The following PDE4D variants were observed in gnomAD, a reference collection of about 807,000 sequenced individuals.
The protein encoded by PDE4D is 3',5'-cyclic-AMP phosphodiesterase 4D.
In PDE4D, 24 loss-of-function variants were observed where a neutral mutation model predicts 87.4. The ratio of observed to expected loss-of-function variants is 0.27; its 90% confidence interval spans 0.20 to 0.39. PDE4D has a LOEUF of 0.39. PDE4D is among the 10% of genes least tolerant of loss of function. The probability of loss-of-function intolerance (pLI) is 1.00; values close to 1 mark genes in which losing one functional copy is unlikely to be tolerated. For missense variants in PDE4D, 714 were observed against 1,041.0 expected (o/e 0.69, Z 4.32); for synonymous variants, 384 against 383.2 (o/e 1.00, Z -0.02).
intron 1 of PDE4D, among the ~76,000 whole-genome samples, chr5:59,470,830 T>C (rs1400773176): frequency 6.6e-6 from 1 of 152,186 alleles, no homozygotes; most frequent in Non-Finnish European, 1.5e-5. Flanking sequence ...ATAAAGAGAT[T>C]TGTTTTTTCC....
intron 1 of PDE4D, among the ~76,000 whole-genome samples, chr5:59,647,454 T>C (rs1742655657): frequency 1.0e-5 from 1 of 96,826 alleles, no homozygotes; most frequent in South Asian, 5.8e-4. Flanking sequence ...TAGGGATTTT[T>C]CAAAGTTTTT....
chr5:60,221,688 A>G (rs1023424924), intron 1 of PDE4D, among the ~76,000 whole-genome samples: 2 of 152,176 alleles, frequency 1.3e-5, no homozygotes, highest in Admixed American at 1.3e-4. Context: ...CTAGGATTGC[A>G]TACAAGTCGA....
At chr5:60,060,025 T>C (rs1032071425) in intron 2 of PDE4D, among the ~76,000 whole-genome samples, 2 of 151,878 alleles carry the variant, frequency 1.3e-5, no homozygotes, top group African/African-American at 4.8e-5. Flanking sequence ...AAAGCTTGCT[T>C]TGAAAAAAGA....
intron 5 of PDE4D, among the ~76,000 whole-genome samples, chr5:59,135,532 C>T (rs1363396702): frequency 6.6e-6 from 1 of 152,148 alleles, no homozygotes; most frequent in African/African-American, 2.4e-5. Flanking sequence ...GATTCTGGGC[C>T]TTTAAACACA....
intron 1 of PDE4D, among the ~76,000 whole-genome samples, chr5:60,501,769 T>TC (rs1750090155): frequency 6.6e-6 from 1 of 152,244 alleles, no homozygotes; most frequent in East Asian, 1.9e-4. Flanking sequence ...GAGCATTTTT[T>TC]CATGTGTTTT....
intron 1 of PDE4D, among the ~76,000 whole-genome samples, chr5:60,264,795 C>T (rs1267173142): frequency 6.6e-6 from 1 of 152,140 alleles, no homozygotes; most frequent in Non-Finnish European, 1.5e-5. Flanking sequence ...CCTGCTCACA[C>T]CCCTCATTCC....
intron 1 of PDE4D, among the ~76,000 whole-genome samples, chr5:59,230,683 AC>A (rs1379757539): frequency 2.0e-5 from 3 of 152,180 alleles, no homozygotes; most frequent in African/African-American, 7.2e-5. Flanking sequence ...AAACTCATAT[AC>A]CATGTTTTTC....
At chr5:60,367,973 C>T (rs558506179) in intron 1 of PDE4D, among the ~76,000 whole-genome samples, 5 of 152,178 alleles carry the variant, frequency 3.3e-5, no homozygotes, top group East Asian at 1.9e-4. Flanking sequence ...CATTACTGAG[C>T]GTTCTTTTTC....
chr5:59,375,713 A>G (rs1784602453), intron 1 of PDE4D, among the ~76,000 whole-genome samples: 1 of 152,204 alleles, frequency 6.6e-6, no homozygotes, highest in South Asian at 2.1e-4. Flanking sequence ...CCTGAGACAA[A>G]TACCTGGTAG....
chr5:59,368,126 C>T lies in PDE4D; in HGVS notation c.456-152158G>A, dbSNP rs185856698. 1.1e-4 allele frequency among the ~76,000 whole-genome samples: 17 copies of T among 152,330 alleles called. No homozygotes were observed. The East Asian group carries it at 2.1e-3, about 19-fold the overall frequency. On this transcript the variant is annotated intron_variant, in intron 1 of 14. Coordinates refer to ENST00000340635, the MANE Select transcript of PDE4D (RefSeq NM_001104631.2). Reference sequence around the variant, plus strand: ...GATGCATGTATGGGTATGAGTAACACACAGACTTGACATCCGAATTCTCTA... The same window carrying T: ...GATGCATGTATGGGTATGAGTAACATACAGACTTGACATCCGAATTCTCTA...
intron 9 of PDE4D, 140 bp from the exon 10 acceptor site, chr5:58,990,059 T>C: frequency 3.4e-6 from 2 of 587,112 alleles, no homozygotes; most frequent in Non-Finnish European, 6.0e-6. Context: ...ACATGTCTAG[T>C]GAGGAAAATG....
intron 2 of PDE4D, among the ~76,000 whole-genome samples, chr5:59,999,537 A>AC (rs1429742916): frequency 7.7e-6 from 1 of 129,848 alleles, no homozygotes; most frequent in African/African-American, 3.0e-5. Flanking sequence ...AAAAAAAAAA[A>AC]AAAACAAAAC....
intron 3 of PDE4D, among the ~76,000 whole-genome samples, chr5:59,918,261 T>C (rs1325071220): frequency 6.6e-6 from 1 of 152,220 alleles, no homozygotes; most frequent in African/African-American, 2.4e-5. Flanking sequence ...GTGTGTATTT[T>C]TTTTTTAAAG....
chr5:59,473,928 C>T (rs1802869796), intron 1 of PDE4D, among the ~76,000 whole-genome samples: 1 of 152,174 alleles, frequency 6.6e-6, no homozygotes. Flanking sequence ...AGCAACATTG[C>T]AACTGTGCCT....
At chr5:60,378,778 G>A (rs960985276) in intron 1 of PDE4D, among the ~76,000 whole-genome samples, 11 of 152,048 alleles carry the variant, frequency 7.2e-5, no homozygotes, top group Non-Finnish European at 1.2e-4. Flanking sequence ...ACTTGAACCC[G>A]GAAGGCAGAG....
intron 2 of PDE4D, among the ~76,000 whole-genome samples, chr5:59,988,953 T>C (rs550733041): frequency 4.8e-4 from 73 of 152,072 alleles, no homozygotes; most frequent in Middle Eastern, 6.8e-3. Context: ...TTAACTAACA[T>C]CTTCAGTAAT....
At chr5:60,494,088 G>C (rs1749685331) in intron 1 of PDE4D, among the ~76,000 whole-genome samples, 1 of 152,134 alleles carries the variant, frequency 6.6e-6, no homozygotes, top group African/African-American at 2.4e-5. Context: ...CATCATCTCT[G>C]GTCCTTCTCA....
intron 1 of PDE4D, among the ~76,000 whole-genome samples, chr5:59,339,522 T>G (rs148297395): frequency 6.6e-6 from 1 of 152,350 alleles, no homozygotes; most frequent in African/African-American, 2.4e-5. Context: ...TTAGCAATTC[T>G]CAGTGCCTTT....
chr5:59,429,606 T>C (rs1287016686), intron 1 of PDE4D, among the ~76,000 whole-genome samples: 1 of 152,150 alleles, frequency 6.6e-6, no homozygotes, highest in African/African-American at 2.4e-5. Context: ...TAGGGAGAAA[T>C]GGAATTTTCA....
Sources: allele counts gnomAD v4.1 joint callset (sites outside exome capture counted in the v4.1 genomes callset), GRCh38; gene constraint gnomAD v4.1.1; transcripts MANE v1.5; gene names NCBI Gene and HGNC (gene_info 2026-07-23, HGNC 2026-07-21).